The following CNTN1 variants were observed in gnomAD, a reference collection of about 807,000 sequenced individuals.
CNTN1 encodes the protein contactin 1, also known as contactin-1.
In CNTN1, 38 loss-of-function variants were observed where a neutral mutation model predicts 126.4. The ratio of observed to expected loss-of-function variants is 0.30; its 90% CI spans 0.23 to 0.39. The LOEUF (loss-of-function observed/expected upper bound fraction) is 0.39. Among genes scored for constraint, CNTN1 ranks in the 10% least tolerant of loss-of-function variants. The pLI is 1.00. For synonymous variants in CNTN1, 413 were observed against 422.6 expected (o/e 0.98, Z 0.28); for missense variants, 1,009 against 1,248.4 (o/e 0.81, Z 2.89).
At chr12:41,033,983 G>A (rs1369293851) in intron 23 of CNTN1, among the ~76,000 whole-genome samples, 2 of 152,028 alleles carry the variant, frequency 1.3e-5, no homozygotes, top group African/African-American at 4.8e-5. Context: ...CCAAGAGGCG[G>A]AGCTTGCAGT....
At chr12:40,947,764 C>CAT (rs34815270) in intron 14 of CNTN1, among the ~76,000 whole-genome samples, 5,760 of 67,670 alleles carry the variant, frequency 0.085, 167 homozygotes, top group African/African-American at 0.14. Context: ...GTCACTATTT[C>CAT]ATATATATAT....
intron 14 of CNTN1, among the ~76,000 whole-genome samples, chr12:40,958,649 A>G (rs1185244452): frequency 6.6e-6 from 1 of 152,064 alleles, no homozygotes; most frequent in African/African-American, 2.4e-5. Flanking sequence ...AATTTCTGCA[A>G]ACTTTTAGTA....
chr12:41,046,962 C>G (rs986322990), intron 23 of CNTN1, among the ~76,000 whole-genome samples: 5 of 150,006 alleles, frequency 3.3e-5, no homozygotes, highest in African/African-American at 1.2e-4. Flanking sequence ...TATACCTTGT[C>G]CCTTTCCCTC....
intron 1 of CNTN1, among the ~76,000 whole-genome samples, chr12:40,768,246 G>A (rs1939195402): frequency 6.6e-6 from 1 of 152,154 alleles, no homozygotes; most frequent in African/African-American, 2.4e-5. Flanking sequence ...CATGGAAAAA[G>A]ACACTTTAGC....
intron 11 of CNTN1, 74 bp from the exon 12 acceptor site, chr12:40,939,261 G>T: frequency 6.6e-7 from 1 of 1,509,126 alleles, no homozygotes; most frequent in South Asian, 1.2e-5. Flanking sequence ...GAGAATAAAA[G>T]ATTCTACAAC....
chr12:40,944,463 T>TATG (rs1179006881), intron 14 of CNTN1, among the ~76,000 whole-genome samples: 1 of 152,054 alleles, frequency 6.6e-6, no homozygotes, highest in Non-Finnish European at 1.5e-5. Flanking sequence ...CATCAGTATA[T>TATG]ATGTGCCCTT....
intron 1 of CNTN1, among the ~76,000 whole-genome samples, chr12:40,736,688 C>T (rs957888561): frequency 5.3e-5 from 8 of 152,010 alleles, no homozygotes; most frequent in African/African-American, 1.9e-4. Flanking sequence ...TAAATAATTT[C>T]GGTAACTAAC....
chr12:40,939,264 T>C, intron 11 of CNTN1, 71 bp from the exon 12 acceptor site: 1 of 1,525,424 alleles, frequency 6.6e-7, no homozygotes, highest in Non-Finnish European at 9.0e-7. Context: ...AATAAAAGAT[T>C]CTACAACACA....
chr12:40,976,690 C>T (rs534216441), intron 15 of CNTN1, among the ~76,000 whole-genome samples: 25 of 151,986 alleles, frequency 1.6e-4, no homozygotes, highest in African/African-American at 5.8e-4. Context: ...TATTTTCTAC[C>T]TCAACACTTT....
At chr12:40,910,032 A>T in intron 2 of CNTN1, 41 bp from the exon 3 acceptor site, 1 of 1,483,832 alleles carries the variant, frequency 6.7e-7, no homozygotes, top group Non-Finnish European at 9.4e-7. Context: ...CAATTCAAAT[A>T]ATTGCTTCAG....
chr12:40,976,000 G>C (rs573473583), intron 15 of CNTN1, among the ~76,000 whole-genome samples: 3 of 152,128 alleles, frequency 2.0e-5, no homozygotes, highest in African/African-American at 7.2e-5. Context: ...GCATGGGTAG[G>C]GGGAGGTGGT....
At chr12:41,066,296 A>G (rs1007009805) in intron 23 of CNTN1, among the ~76,000 whole-genome samples, 3 of 152,196 alleles carry the variant, frequency 2.0e-5, no homozygotes, top group African/African-American at 7.2e-5. Flanking sequence ...CCTAGAAGTT[A>G]GAGAGATTAT....
intron 1 of CNTN1, among the ~76,000 whole-genome samples, chr12:40,817,264 A>G (rs1462791278): frequency 6.6e-6 from 1 of 152,112 alleles, no homozygotes; most frequent in African/African-American, 2.4e-5. Flanking sequence ...GTCTCACACT[A>G]TTATTGTGTG....
chr12:40,968,155 G>A (rs1478552237), intron 15 of CNTN1, among the ~76,000 whole-genome samples: 1 of 152,068 alleles, frequency 6.6e-6, no homozygotes, highest in African/African-American at 2.4e-5. Flanking sequence ...AGGTTTGAAT[G>A]CAGACAGTCT....
At chr12:40,946,247 A>G (rs1215431572) in intron 14 of CNTN1, among the ~76,000 whole-genome samples, 1 of 152,160 alleles carries the variant, frequency 6.6e-6, no homozygotes, top group Non-Finnish European at 1.5e-5. Flanking sequence ...CGCTATAAAT[A>G]TTTGATCCAC....
At chr12:40,744,331 A>C (rs1384457629) in intron 1 of CNTN1, among the ~76,000 whole-genome samples, 2 of 152,018 alleles carry the variant, frequency 1.3e-5, no homozygotes, top group South Asian at 4.1e-4. Context: ...AACAAAACAA[A>C]ACACGGAGAT....
At chr12:41,043,434 G>C (rs938837883) in intron 23 of CNTN1, among the ~76,000 whole-genome samples, 10 of 151,928 alleles carry the variant, frequency 6.6e-5, no homozygotes, top group Non-Finnish European at 1.0e-4. Context: ...AAATGCAAAT[G>C]AAAACCACAA....
chr12:40,970,724 T>A (rs552699822), intron 15 of CNTN1, among the ~76,000 whole-genome samples: 3 of 152,290 alleles, frequency 2.0e-5, no homozygotes, highest in Admixed American at 2.0e-4. Flanking sequence ...TGTTAAATGA[T>A]TTGCATGGTG....
At chr12:40,986,444 A>G (rs1947955854) in intron 16 of CNTN1, among the ~76,000 whole-genome samples, 1 of 152,180 alleles carries the variant, frequency 6.6e-6, no homozygotes. Flanking sequence ...ACAGGCTTCA[A>G]GTAATTCGAA....
Sources: gnomAD v4.1 joint callset for allele counts (sites outside exome capture counted in the v4.1 genomes callset) on GRCh38, gnomAD v4.1.1 for gene constraint, MANE v1.5 for transcripts, NCBI Gene and HGNC (gene_info 2026-07-23, HGNC 2026-07-21) for gene names.